MACROD2: variants seen among roughly 807,000 people sequenced by gnomAD.
MACROD2 encodes ADP-ribose glycohydrolase MACROD2.
Under a neutral mutation model 70.4 loss-of-function variants are expected in MACROD2, and 36 were observed. The ratio of observed to expected loss-of-function variants is 0.51; its 90% CI spans 0.39 to 0.68. The LOEUF (loss-of-function observed/expected upper bound fraction) is 0.68. Among genes scored for constraint, MACROD2 ranks in the 30% least tolerant of loss-of-function variants. The pLI, the probability that MACROD2 is intolerant of heterozygous loss-of-function variation, is 0.00. For synonymous variants in MACROD2, 172 were observed against 178.8 expected (o/e 0.96, Z 0.30); for missense variants, 496 against 538.4 (o/e 0.92, Z 0.78).
chr20:14,594,142 T>G (rs909455128), intron 4 of MACROD2, among the ~76,000 whole-genome samples: 8 of 152,180 alleles, frequency 5.3e-5, no homozygotes, highest in African/African-American at 1.4e-4. Context: ...CAGGGAGTTG[T>G]AAGGAACTGC....
intron 3 of MACROD2, among the ~76,000 whole-genome samples, chr20:14,457,146 G>A (rs916244056): frequency 1.3e-5 from 2 of 152,058 alleles, no homozygotes; most frequent in Admixed American, 6.6e-5. Context: ...GACATCAGGG[G>A]CTTTTTTCTT....
At chr20:15,680,756 AC>A (rs2146857395) in intron 8 of MACROD2, among the ~76,000 whole-genome samples, 1 of 152,304 alleles carries the variant, frequency 6.6e-6, no homozygotes, top group Admixed American at 6.5e-5. Flanking sequence ...GTGCGAACCA[AC>A]CACATATTGG....
At chr20:14,580,441 G>GA (rs11467360) in intron 4 of MACROD2, among the ~76,000 whole-genome samples, 3 of 151,588 alleles carry the variant, frequency 2.0e-5, no homozygotes, top group African/African-American at 7.3e-5. Context: ...CCCGTTGCCT[G>GA]AAAAAAAAAA....
At chr20:14,532,275 A>G (rs1012490430) in intron 4 of MACROD2, among the ~76,000 whole-genome samples, 9 of 148,768 alleles carry the variant, frequency 6.0e-5, no homozygotes, top group African/African-American at 1.8e-4. Flanking sequence ...CTGGAGTGCA[A>G]TGGCGCAATC....
chr20:15,851,045 T>C (rs949453162), intron 8 of MACROD2, among the ~76,000 whole-genome samples: 2 of 151,762 alleles, frequency 1.3e-5, no homozygotes, highest in African/African-American at 2.4e-5. Flanking sequence ...TTGGAAATGA[T>C]GGAAAAAATG....
intron 3 of MACROD2, among the ~76,000 whole-genome samples, chr20:14,137,120 G>A (rs1420321065): frequency 1.3e-5 from 2 of 152,234 alleles, no homozygotes; most frequent in South Asian, 2.1e-4. Context: ...GGGCACAGAC[G>A]TTCTACACAG....
chr20:14,878,411 G>C (rs912730128), intron 5 of MACROD2, among the ~76,000 whole-genome samples: 1 of 152,072 alleles, frequency 6.6e-6, no homozygotes, highest in African/African-American at 2.4e-5. Flanking sequence ...ATATTTTTTT[G>C]TTAGGGAGTC....
At chr20:14,049,183 A>AAAAC (rs2053524626) in intron 2 of MACROD2, among the ~76,000 whole-genome samples, 2 of 146,116 alleles carry the variant, frequency 1.4e-5, no homozygotes, top group African/African-American at 2.5e-5. Flanking sequence ...ATAAAAAAAA[A>AAAAC]AAAAAACAAA....
intron 8 of MACROD2, among the ~76,000 whole-genome samples, chr20:15,773,616 A>T (rs1037449397): frequency 1.3e-5 from 2 of 152,170 alleles, no homozygotes; most frequent in African/African-American, 4.8e-5. Context: ...TTGACACTTA[A>T]TGGAACCGTG....
At chr20:16,008,272 C>T (rs957785746) in intron 15 of MACROD2, among the ~76,000 whole-genome samples, 4 of 152,218 alleles carry the variant, frequency 2.6e-5, no homozygotes, top group South Asian at 2.1e-4. Context: ...ACGTCTCTCA[C>T]GTTACATGGT....
At chr20:14,096,141 G>A (rs1473997121) in intron 3 of MACROD2, among the ~76,000 whole-genome samples, 3 of 152,158 alleles carry the variant, frequency 2.0e-5, no homozygotes, top group African/African-American at 4.8e-5. Context: ...TGGACTGAGA[G>A]TGGATTATTT....
At chr20:15,114,633 A>T (rs1181261190) in intron 5 of MACROD2, among the ~76,000 whole-genome samples, 1 of 152,170 alleles carries the variant, frequency 6.6e-6, no homozygotes, top group Non-Finnish European at 1.5e-5. Context: ...CAGACTTCTG[A>T]TCCATGGAAA....
At position 14,475,531 on chromosome 20, in the gene MACROD2, A is replaced by G. The variant is rs1038338482; in HGVS notation, c.272-17948A>G. Among the ~76,000 whole-genome samples, 19 of 151,552 alleles carry G rather than the reference A, an allele frequency of 1.3e-4. No individual in the cohort carries two copies. The East Asian group carries it at 3.7e-3, about 29-fold the overall frequency. Reference sequence around the variant, plus strand: ...GCACATTAGCATCTTTTCACACATTAGCATCCTTTTCTTTCAGTTTGAGGG... The same window carrying G: ...GCACATTAGCATCTTTTCACACATTGGCATCCTTTTCTTTCAGTTTGAGGG... On this transcript the variant is annotated intron_variant, in intron 3 of 17. Transcript: ENST00000684519.
intron 5 of MACROD2, among the ~76,000 whole-genome samples, chr20:14,752,008 A>T (rs1380413368): frequency 6.7e-6 from 1 of 150,264 alleles, no homozygotes; most frequent in Non-Finnish European, 1.5e-5. Flanking sequence ...ATTTCCTCCC[A>T]TCCCTCTGGC....
intron 5 of MACROD2, among the ~76,000 whole-genome samples, chr20:14,706,809 A>G (rs1434397643): frequency 6.6e-6 from 1 of 152,122 alleles, no homozygotes; most frequent in Non-Finnish European, 1.5e-5. Flanking sequence ...TGAAGGGCAC[A>G]ATTGCCGAAA....
At chr20:14,541,331 G>T (rs913131278) in intron 4 of MACROD2, among the ~76,000 whole-genome samples, 1 of 152,006 alleles carries the variant, frequency 6.6e-6, no homozygotes, top group Non-Finnish European at 1.5e-5. Context: ...TCATCCCCAG[G>T]ATATTTTTAG....
At chr20:15,190,978 C>A (rs143358925) in intron 5 of MACROD2, among the ~76,000 whole-genome samples, 2 of 152,322 alleles carry the variant, frequency 1.3e-5, no homozygotes, top group East Asian at 3.9e-4. Context: ...TAAGAACTGA[C>A]TAACCCTGAT....
chr20:14,525,296 CT>C (rs2085218716), intron 4 of MACROD2, among the ~76,000 whole-genome samples: 1 of 151,950 alleles, frequency 6.6e-6, no homozygotes, highest in Non-Finnish European at 1.5e-5. Flanking sequence ...GTCTATCTCC[CT>C]TTTTTGCTAG....
intron 4 of MACROD2, among the ~76,000 whole-genome samples, chr20:14,599,965 G>A (rs1225329668): frequency 6.6e-6 from 1 of 152,094 alleles, no homozygotes; most frequent in South Asian, 2.1e-4. Context: ...AATTAAGGTG[G>A]TGAAAGGACA....
Sources: gnomAD v4.1 joint callset for allele counts (sites outside exome capture counted in the v4.1 genomes callset) on GRCh38, gnomAD v4.1.1 for gene constraint, MANE v1.5 for transcripts, NCBI Gene and HGNC (gene_info 2026-07-23, HGNC 2026-07-21) for gene names.